The following NPRL3 variants were observed in gnomAD, a reference collection of about 807,000 sequenced individuals.
NPRL3 encodes the protein GATOR1 complex protein NPRL3.
A neutral mutation model predicts 57.2 loss-of-function variants in NPRL3; 23 were observed. That is an observed-to-expected ratio of 0.40 (90% confidence interval 0.29 to 0.57). NPRL3 has a LOEUF of 0.57. Ranked by LOEUF, NPRL3 falls within the 20% of genes least tolerant of loss-of-function variation. The probability of loss-of-function intolerance (pLI) is 0.42; values close to 1 mark genes in which losing one functional copy is unlikely to be tolerated. For synonymous variants in NPRL3, 333 were observed against 321.1 expected, an observed-to-expected ratio of 1.04 and a Z score of -0.39; for missense variants, 691 against 767.1, an observed-to-expected ratio of 0.90 and a Z score of 1.17.
intron 7 of NPRL3, among the ~76,000 whole-genome samples, chr16:100,990 A>AAAAAAAAAAAC: frequency 6.9e-6 from 1 of 145,132 alleles, no homozygotes; most frequent in Non-Finnish European, 1.5e-5. Flanking sequence ...AAAAAAAAAA[A>AAAAAAAAAAAC]GGAAGAAGAA....
intron 3 of NPRL3, among the ~76,000 whole-genome samples, 162 bp downstream of exon 3, chr16:130,360 C>T (rs1900732880): frequency 6.6e-6 from 1 of 152,176 alleles, no homozygotes; most frequent in Admixed American, 6.6e-5. Context: ...AGACTGTCTA[C>T]GCAGTCCTCC....
intron 11 of NPRL3, 151 bp from the exon 12 acceptor site, chr16:90,053 G>C: frequency 1.4e-6 from 1 of 730,206 alleles, no homozygotes; most frequent in South Asian, 2.1e-5. Flanking sequence ...GGAGCCCCCA[G>C]CTGCCAGCCA....
Position 117,310 on chromosome 16 carries a change from A to C in NPRL3, c.384T>G (p.Phe128Leu), listed in dbSNP as rs779627025. 1.9e-6 allele frequency: 3 copies of C among 1,610,516 alleles called. No individual in the cohort carries two copies. The highest frequency in any genetic ancestry group is 1.6e-4 in the Middle Eastern group (1 of 6,078). ...TTATATAAACACTCACCCTCAGTGC[A>C]AACACCACATTAAAAAGAATCATAG... ...APTMILFNVV[F>L]ALRANADPSV... The change falls in exon 5 of 14, where the codon TTT becomes TTG. Residue 128 changes from phenylalanine to leucine, a missense_variant. Phe to Leu is a conservative substitution (Grantham distance 22). Coordinates refer to ENST00000611875, the MANE Select transcript of NPRL3 (RefSeq NM_001077350.3).
At chr16:92,893 G>T in intron 10 of NPRL3, 168 bp from the exon 11 acceptor site, 1 of 772,710 alleles carries the variant, frequency 1.3e-6, no homozygotes, top group Non-Finnish European at 2.1e-6. Flanking sequence ...CAGAGCCTGG[G>T]CACTTCCCCT....
At chr16:94,039 G>A (rs1898880764) in intron 9 of NPRL3, among the ~76,000 whole-genome samples, 1 of 150,742 alleles carries the variant, frequency 6.6e-6, no homozygotes, top group Non-Finnish European at 1.5e-5. Context: ...TGTCCTGGCA[G>A]GGGCACAGCC....
At chr16:104,334 T>C (rs1899440092) in intron 7 of NPRL3, among the ~76,000 whole-genome samples, 2 of 152,022 alleles carry the variant, frequency 1.3e-5, no homozygotes, top group African/African-American at 2.4e-5. Context: ...AGACACCTAA[T>C]TGTAATCAAA....
In NPRL3 at chr16:138,134, C is replaced by T; in HGVS notation, c.118+16G>A. ...GGCCCCCGCGAGCGCCAGGCCCCCG[C>T]CCAGCGCTCACTTACTTGTCTGGGA... On this transcript the variant is annotated intron_variant, in intron 2 of 13. Transcript: ENST00000611875. 6.3e-7 allele frequency: 1 copy of T among 1,576,420 alleles called. No individual in the cohort carries two copies. Among genetic ancestry groups the T allele is most frequent in the Non-Finnish European group, 8.6e-7 (1 of 1,160,694 alleles).
chr16:86,620 A>G lies in NPRL3; in HGVS notation c.*85T>C. 7.3e-7 allele frequency: 1 copy of G among 1,377,902 alleles called. No individual in the cohort carries two copies. The highest frequency in any genetic ancestry group is 9.8e-7 in the Non-Finnish European group (1 of 1,023,510). The allele number at this position is 1,377,902 out of a possible 1,614,324, so 85.4% of individuals were successfully genotyped here. A position where few individuals can be genotyped will look rare whatever the true frequency, so the allele number is the denominator to read the frequency against. On this transcript the variant is annotated 3_prime_UTR_variant, in exon 14 of 14. Transcript: ENST00000611875. ...CCAGGCCTCAGGGCCAAGAGGGCTC[A>G]GCCTCAGCACGGGGGGAGCCCTGGG...
Position 88,890 on chromosome 16 carries a change from G to T in NPRL3, c.1352C>A (p.Thr451Asn). ...GGTGAGGGTCATGTCATCGCTGCTG[G>T]CTGTGGGGGACATGGGTCAGGGTGA... ...TPNALSFGSP[T>N]SSDDMTLTSP... is the part of the protein sequence containing the mutation. Residue 451 changes from threonine to asparagine, a missense_variant and splice_region_variant, in exon 13 of 14, where the codon ACC (threonine) becomes AAC (asparagine). Thr to Asn is a moderately conservative substitution (Grantham distance 65). Coordinates refer to ENST00000611875, the MANE Select transcript of NPRL3 (RefSeq NM_001077350.3). The T allele has an allele frequency of 6.2e-7, 1 of 1,608,092 alleles. No individual in the cohort carries two copies. The highest frequency in any genetic ancestry group is 8.5e-7 in the Non-Finnish European group (1 of 1,175,066).
At chr16:127,740 C>T (rs745733356) in intron 3 of NPRL3, among the ~76,000 whole-genome samples, 3 of 151,498 alleles carry the variant, frequency 2.0e-5, no homozygotes, top group African/African-American at 7.3e-5. Context: ...CTGCAAGCTC[C>T]GCCTCCCGGG....
intron 5 of NPRL3, among the ~76,000 whole-genome samples, chr16:116,787 A>ACC (rs71391112): frequency 0.15 from 12,957 of 85,044 alleles, 1,851 homozygotes; most frequent in East Asian, 0.36. Flanking sequence ...ACATGGCGAG[A>ACC]CCCCCCCCCC....
intron 10 of NPRL3, 104 bp downstream of exon 10, chr16:93,115 A>C: frequency 1.3e-6 from 1 of 789,752 alleles, no homozygotes; most frequent in Non-Finnish European, 2.2e-6. Context: ...GGGCTTCCAC[A>C]GCCTTTGGTG....
chr16:88,665 G>A (rs1354888226), intron 13 of NPRL3, 33 bp downstream of exon 13: 23 of 1,576,912 alleles, frequency 1.5e-5, no homozygotes, highest in African/African-American at 6.7e-5. Context: ...CCCTGCAACT[G>A]GCCCCAGTCC....
intron 2 of NPRL3, among the ~76,000 whole-genome samples, chr16:137,592 C>A (rs1006450619): frequency 1.3e-5 from 2 of 151,614 alleles, no homozygotes; most frequent in Non-Finnish European, 2.9e-5. Flanking sequence ...CTCTGTTGCC[C>A]AGGCTGGAAT....
At chr16:137,035 C>G (rs1901123680) in intron 2 of NPRL3, among the ~76,000 whole-genome samples, 1 of 145,332 alleles carries the variant, frequency 6.9e-6, no homozygotes, top group African/African-American at 2.6e-5. Flanking sequence ...TGGCAAAACC[C>G]CATCTCTACT....
chr16:89,888 C>T lies in NPRL3; in HGVS notation c.1176G>A (p.Gln392=). 1.3e-6 allele frequency: 2 copies of T among 1,550,492 alleles called. No individual in the cohort carries two copies. The highest frequency in any genetic ancestry group is 1.7e-6 in the Non-Finnish European group (2 of 1,147,428). The change falls in exon 12 of 14, where the codon CAG becomes CAA. Residue 392 remains glutamine, a synonymous_variant. Coordinates refer to ENST00000611875, the MANE Select transcript of NPRL3 (RefSeq NM_001077350.3). ...APAVQETQLI[Q]MVVWMLQRRL... Reference sequence around the variant, plus strand: ...GGCGCTGCAGCATCCACACCACCATCTGGATGAGCTGGGTCTGCGGGTGGC... The same window carrying T: ...GGCGCTGCAGCATCCACACCACCATTTGGATGAGCTGGGTCTGCGGGTGGC...
chr16:98,969 T>C (rs1899149975), intron 8 of NPRL3, among the ~76,000 whole-genome samples: 1 of 152,094 alleles, frequency 6.6e-6, no homozygotes, highest in Non-Finnish European at 1.5e-5. Context: ...GCAAGGATTA[T>C]GTCACCCTCG....
At position 86,763 on chromosome 16, in the gene NPRL3, A is replaced by T; in HGVS notation, c.1652T>A (p.Leu551Gln). 1.3e-6 allele frequency: 2 copies of T among 1,593,512 alleles called. No individual in the cohort carries two copies. The highest frequency in any genetic ancestry group is 1.7e-6 in the Non-Finnish European group (2 of 1,171,018). Residue 551 changes from leucine (L) to glutamine (Q), a missense_variant, in exon 14 of 14, where the codon CTG becomes CAG. Physicochemically the swap from Leu to Gln is moderately radical, Grantham distance 113 (BLOSUM62 -2). Coordinates refer to ENST00000611875, the MANE Select transcript of NPRL3 (RefSeq NM_001077350.3). ...AGGGTCCTCGTGGGTGGTCACCACC[A>T]GCACGCTGCGGAACTTGTCAAACAG... ...LMLFDKFRSVLVVTTHEDPVI... is the reference protein window; with the variant it reads ...LMLFDKFRSVQVVTTHEDPVI...
intron 8 of NPRL3, 144 bp from the exon 9 acceptor site, chr16:98,445 G>A (rs545105162): frequency 5.8e-4 from 513 of 880,094 alleles, no homozygotes; most frequent in Non-Finnish European, 7.8e-4. Flanking sequence ...GTATGCACCT[G>A]GGACTCAAAC....
Sources: allele counts gnomAD v4.1 joint callset (sites outside exome capture counted in the v4.1 genomes callset), GRCh38; gene constraint gnomAD v4.1.1; transcripts MANE v1.5; gene names NCBI Gene and HGNC (gene_info 2026-07-23, HGNC 2026-07-21).